Variants in PTPRD observed in about 807,000 individuals in gnomAD.
The protein encoded by PTPRD is receptor-type tyrosine-protein phosphatase delta.
Under a neutral mutation model 214.5 loss-of-function variants are expected in PTPRD, and 34 were observed. The observed-to-expected ratio is 0.16, with a 90% CI of 0.12 to 0.21. The LOEUF is 0.21. Ranked by LOEUF, PTPRD falls within the 10% of genes least tolerant of loss-of-function variation. The pLI is 1.00. For missense variants in PTPRD, 2,545 were observed against 2,398.7 expected (o/e 1.06, Z -1.27); for synonymous variants, 1,128 against 845.7 (o/e 1.33, Z -5.79).
intron 9 of PTPRD, among the ~76,000 whole-genome samples, chr9:9,202,333 C>T (rs1221954570): frequency 1.3e-5 from 2 of 152,170 alleles, no homozygotes; most frequent in Admixed American, 6.5e-5. Context: ...CTGAATACTT[C>T]TCTTTAATAT....
At chr9:9,239,419 T>C (rs1414940777) in intron 9 of PTPRD, among the ~76,000 whole-genome samples, 1 of 152,180 alleles carries the variant, frequency 6.6e-6, no homozygotes, top group Non-Finnish European at 1.5e-5. Context: ...TTGTGTCTCC[T>C]AAATGTTTTA....
intron 3 of PTPRD, among the ~76,000 whole-genome samples, chr9:10,048,238 T>G (rs1342443118): frequency 6.7e-6 from 1 of 149,194 alleles, no homozygotes; most frequent in Non-Finnish European, 1.5e-5. Context: ...TTTGTACTCC[T>G]TGTTCTGCCT....
intron 11 of PTPRD, among the ~76,000 whole-genome samples, chr9:8,811,962 G>C (rs1373722543): frequency 2.0e-5 from 3 of 149,562 alleles, no homozygotes; most frequent in Admixed American, 2.0e-4. Context: ...GGGAAGCTTC[G>C]AGGAGATCAA....
intron 5 of PTPRD, among the ~76,000 whole-genome samples, chr9:9,909,826 T>C (rs1004202289): frequency 1.4e-4 from 22 of 151,918 alleles, no homozygotes; most frequent in African/African-American, 5.3e-4. Flanking sequence ...TGATTCAACA[T>C]CTGTTTTTGC....
At chr9:9,036,409 T>C (rs139946058) in intron 10 of PTPRD, among the ~76,000 whole-genome samples, 20 of 152,206 alleles carry the variant, frequency 1.3e-4, no homozygotes, top group African/African-American at 4.3e-4. Context: ...TTAATTGTCA[T>C]AGCCAACAGC....
At chr9:8,902,974 G>T (rs994747453) in intron 11 of PTPRD, among the ~76,000 whole-genome samples, 2 of 151,920 alleles carry the variant, frequency 1.3e-5, no homozygotes, top group African/African-American at 4.8e-5. Flanking sequence ...CAAGTTTTTG[G>T]GAAGTAAGGA....
At chr9:9,488,897 AC>A (rs1179447287) in intron 8 of PTPRD, among the ~76,000 whole-genome samples, 1 of 152,000 alleles carries the variant, frequency 6.6e-6, no homozygotes, top group African/African-American at 2.4e-5. Context: ...GGCAAAAAGA[AC>A]CCCATTCTCC....
At chr9:10,307,657 T>C (rs570513566) in intron 3 of PTPRD, among the ~76,000 whole-genome samples, 1 of 152,186 alleles carries the variant, frequency 6.6e-6, no homozygotes, top group African/African-American at 2.4e-5. Context: ...TGTACTAATT[T>C]ACATTCTCAC....
At position 8,460,591 on chromosome 9, in the gene PTPRD, A is replaced by C. The variant is rs34577174; in HGVS notation, c.3715-20T>G. The C allele has an allele frequency of 6.3e-7, 1 of 1,599,920 alleles. No homozygotes were observed. Among genetic ancestry groups the C allele is most frequent in the Non-Finnish European group, 8.5e-7 (1 of 1,175,470 alleles). ...CATCTTCTGAGGAAAAGCAGAGTCT[A>C]TTTCAGTTATAAAATAATGACTTTC... On this transcript the variant is annotated intron_variant, in intron 32 of 45. Coordinates refer to ENST00000381196, the MANE Select transcript of PTPRD (RefSeq NM_002839.4).
At chr9:10,001,912 T>A (rs2096328700) in intron 4 of PTPRD, among the ~76,000 whole-genome samples, 1 of 152,000 alleles carries the variant, frequency 6.6e-6, no homozygotes, top group Non-Finnish European at 1.5e-5. Context: ...TGTAAATATA[T>A]TTTTGTTTAA....
At chr9:9,739,426 C>A (rs527737205) in intron 6 of PTPRD, among the ~76,000 whole-genome samples, 1 of 152,016 alleles carries the variant, frequency 6.6e-6, no homozygotes, top group Non-Finnish European at 1.5e-5. Context: ...CTTTTTCTTG[C>A]GCTTCTCATC....
intron 36 of PTPRD, among the ~76,000 whole-genome samples, chr9:8,389,686 T>C (rs2088725031): frequency 6.6e-6 from 1 of 152,188 alleles, no homozygotes; most frequent in African/African-American, 2.4e-5. Flanking sequence ...GTTGTTGGTT[T>C]TCTCTGTTGC....
At position 8,919,839 on chromosome 9, in the gene PTPRD, C is replaced by T. The variant is rs141205498; in HGVS notation, c.-104+98858G>A. On this transcript the variant is annotated intron_variant, in intron 11 of 45. Transcript: ENST00000381196. ...ACATGCACCCATACATGCATACATA[C>T]GTGCATGTATCATGCATACATAGAT... 5.4e-3 allele frequency among the ~76,000 whole-genome samples: 826 copies of T among 151,914 alleles called. 7 individuals are homozygous for T. The highest frequency in any genetic ancestry group is 0.019 in the African/African-American group (771 of 41,248).
intron 30 of PTPRD, among the ~76,000 whole-genome samples, chr9:8,471,422 G>T (rs2096650666): frequency 6.6e-6 from 1 of 152,178 alleles, no homozygotes; most frequent in African/African-American, 2.4e-5. Context: ...ACCACAAGCT[G>T]CTGAACCAAA....
At chr9:10,410,937 C>G (rs550696134) in intron 2 of PTPRD, among the ~76,000 whole-genome samples, 4 of 151,832 alleles carry the variant, frequency 2.6e-5, no homozygotes, top group Admixed American at 6.6e-5. Flanking sequence ...GTTAGCTTTT[C>G]CAGGCATCAG....
At chr9:8,645,319 A>C (rs1332091171) in intron 12 of PTPRD, among the ~76,000 whole-genome samples, 1 of 152,214 alleles carries the variant, frequency 6.6e-6, no homozygotes. Flanking sequence ...ATTCATAAAC[A>C]AATCACCCAA....
chr9:8,815,105 T>A (rs899546096), intron 11 of PTPRD, among the ~76,000 whole-genome samples: 10 of 140,466 alleles, frequency 7.1e-5, no homozygotes, highest in African/African-American at 3.2e-4. Flanking sequence ...TTTATATAAT[T>A]TAGTTTTTTT....
chr9:8,646,937 TG>T (rs59811853), intron 12 of PTPRD, among the ~76,000 whole-genome samples: 8,799 of 152,244 alleles, frequency 0.058, 807 homozygotes, highest in African/African-American at 0.2. Flanking sequence ...ATATCGTAAA[TG>T]TGATCTTTGC....
intron 14 of PTPRD, among the ~76,000 whole-genome samples, chr9:8,609,632 A>G (rs1448039712): frequency 6.6e-6 from 1 of 152,214 alleles, no homozygotes; most frequent in Non-Finnish European, 1.5e-5. Context: ...GGGCACTTAA[A>G]GAGTAAAATT....
Sources: allele counts gnomAD v4.1 joint callset (sites outside exome capture counted in the v4.1 genomes callset), GRCh38; gene constraint gnomAD v4.1.1; transcripts MANE v1.5; gene names NCBI Gene and HGNC (gene_info 2026-07-23, HGNC 2026-07-21).